Variants in PRG4 observed in about 807,000 individuals in gnomAD.
PRG4 encodes the protein proteoglycan 4.
Under a neutral mutation model 91.2 loss-of-function variants are expected in PRG4, and 61 were observed. That is an observed-to-expected ratio of 0.67 (90% CI 0.54 to 0.83). The LOEUF (loss-of-function observed/expected upper bound fraction) is 0.83, where lower values mean the gene tolerates loss of function less well. Ranked by LOEUF, PRG4 falls within the 40% of genes least tolerant of loss-of-function variation. The pLI, the probability that PRG4 is intolerant of heterozygous loss-of-function variation, is 0.00. For missense variants in PRG4, 1,564 were observed against 1,714.2 expected, an observed-to-expected ratio of 0.91 and a Z score of 1.55; for synonymous variants, 576 against 614.2, an observed-to-expected ratio of 0.94 and a Z score of 0.92.
rs1402369586 is a variant in PRG4, at chr1:186,314,505, GTAAT to G, written c.*730_*733del. On this transcript the variant is annotated 3_prime_UTR_variant, in exon 13 of 13. Transcript: ENST00000445192. ...TTGGTAAATATCACCTGCTCAACAT[GTAAT>G]TATTTAATAAAACTTTGGAACATTA... The G allele has an allele frequency of 1.6e-6, 1 of 641,518 alleles. No homozygotes were observed. Among genetic ancestry groups the G allele is most frequent in the Non-Finnish European group, 2.5e-6 (1 of 402,920 alleles). 39.7% of individuals were successfully genotyped at this position (641,518 alleles called of 1,614,324 possible).
intron 12 of PRG4, 103 bp from the exon 13 acceptor site, chr1:186,313,578 A>T: frequency 1.3e-6 from 1 of 745,564 alleles, no homozygotes; most frequent in Non-Finnish European, 2.4e-6. Context: ...ATCTCTATTA[A>T]AATGATAAAC....
chr1:186,307,753 G>A lies in PRG4; in HGVS notation c.2034G>A (p.Lys678=), dbSNP rs780333147. The change falls in exon 7 of 13, where the codon AAG becomes AAA. Residue 678 remains lysine (K), a synonymous_variant. Coordinates refer to ENST00000445192, the MANE Select transcript of PRG4 (RefSeq NM_005807.6). The stretch of plus-strand genomic sequence containing the variant: ...AGGCAGCGGCTCCCAACACCCCTAA[G>A]GAGCCTGCTCCAACTACCCCTAAGG... ...TPKAAAPNTP[K]EPAPTTPKEP... is the part of the protein sequence containing the mutation. 4.4e-6 allele frequency: 7 copies of A among 1,609,168 alleles called. No individual in the cohort carries two copies. Among genetic ancestry groups the A allele is most frequent in the South Asian group, 1.1e-5 (1 of 90,962 alleles).
In PRG4 at chr1:186,306,325, TAAC is replaced by T. The variant is rs2102019757; in HGVS notation, c.609_611del (p.Asn203del). Reference sequence around the variant, plus strand: ...TGTATATTTTTTCTCCAGTAAAAGATAACAAGAAGAACAGAACTAAAAAGAAAC... The same window carrying T: ...TGTATATTTTTTCTCCAGTAAAAGATAAGAAGAACAGAACTAAAAAGAAAC... On this transcript the variant is annotated inframe_deletion, in exon 7 of 13. Coordinates refer to ENST00000445192, the MANE Select transcript of PRG4 (RefSeq NM_005807.6). 6.3e-7 allele frequency: 1 copy of T among 1,584,820 alleles called. No individual in the cohort carries two copies. Among genetic ancestry groups the T allele is most frequent in the African/African-American group, 1.4e-5 (1 of 73,156 alleles).
Position 186,309,148 on chromosome 1 carries a change from G to T in PRG4, c.3421+8G>T. ...TCAATCCCATGCTTTCCGGTATTAA[G>T]AATCAGTTATTTTCATTTTTAAAGC... On this transcript the variant is annotated splice_region_variant and intron_variant, in intron 7 of 12. Coordinates refer to ENST00000445192, the MANE Select transcript of PRG4 (RefSeq NM_005807.6). 1 of 1,606,494 alleles carries T rather than the reference G, an allele frequency of 6.2e-7. No homozygotes were observed. Among genetic ancestry groups the T allele is most frequent in the Non-Finnish European group, 8.5e-7 (1 of 1,175,184 alleles).
At position 186,306,564 on chromosome 1, in the gene PRG4, C is replaced by T; in HGVS notation, c.845C>T (p.Thr282Ile). The change falls in exon 7 of 13, where the codon ACA becomes ATA. Residue 282 changes from threonine to isoleucine, a missense_variant. Transcript: ENST00000445192. The stretch of plus-strand genomic sequence containing the variant: ...ACGTCTTTGACAGTGAATAAAGAGA[C>T]AACAGTTGAAACTAAAGAAACTACT... Reference protein sequence around the residue: ...KETSLTVNKETTVETKETTTT... With the variant: ...KETSLTVNKEITVETKETTTT... 1 of 1,613,376 alleles carries T rather than the reference C, an allele frequency of 6.2e-7. No individual in the cohort carries two copies. Among genetic ancestry groups the T allele is most frequent in the Non-Finnish European group, 8.5e-7 (1 of 1,179,522 alleles).
At position 186,306,295 on chromosome 1, in the gene PRG4, C is replaced by T. The variant is rs762466944; in HGVS notation, c.599-23C>T. 4 of 1,513,204 alleles carry T rather than the reference C, an allele frequency of 2.6e-6. No homozygotes were observed. The South Asian group carries it at 3.7e-5, about 14-fold the overall frequency. The allele number at this position is 1,513,204 out of a possible 1,614,324, so 93.7% of individuals were successfully genotyped here. The stretch of plus-strand genomic sequence containing the variant: ...AAGAAAAAAAAATATTCTAAAATAA[C>T]AAGATGTATATTTTTTCTCCAGTAA... On this transcript the variant is annotated intron_variant, in intron 6 of 12. Coordinates refer to ENST00000445192, the MANE Select transcript of PRG4 (RefSeq NM_005807.6).
In PRG4 at chr1:186,312,362, T is replaced by C; in HGVS notation, c.3981T>C (p.Tyr1327=). The C allele has an allele frequency of 3.1e-6, 5 of 1,607,984 alleles. No individual in the cohort carries two copies. The highest frequency in any genetic ancestry group is 4.2e-6 in the Non-Finnish European group (5 of 1,177,974). Residue 1327 remains tyrosine, a synonymous_variant, in exon 11 of 13, where the codon TAT becomes TAC. Transcript: ENST00000445192. The part of the protein sequence containing the change: ...RIQYSPARLA[Y]QDKGVLHNEV... ...AATATTCACCTGCCAGACTGGCTTA[T>C]CAAGACAAAGGTAACATTTTTATTG...
chr1:186,304,083 AC>A, intron 4 of PRG4, 24 bp from the exon 5 acceptor site: 1 of 1,612,906 alleles, frequency 6.2e-7, no homozygotes, highest in African/African-American at 1.3e-5. Flanking sequence ...CAAGATGTTA[AC>A]TGACTTGTCT....
rs780266262 is a variant in PRG4 at position 186,309,110 on chromosome 1, C to G, written c.3391C>G (p.Gln1131Glu). Residue 1131 changes from glutamine (Q) to glutamate (E), a missense_variant, in exon 7 of 13, where the codon CAA becomes GAA. Transcript: ENST00000445192. ...GGATTACTTACCGAGAGTACCCAAT[C>G]AAGGCATTATCATCAATCCCATGCT... is the stretch of plus-strand genomic sequence containing the variant. ...DMDYLPRVPN[Q>E]GIIINPMLSD... 6 of 1,613,752 alleles carry G rather than the reference C, an allele frequency of 3.7e-6. No individual in the cohort carries two copies. Among genetic ancestry groups the G allele is most frequent in the Non-Finnish European group, 5.1e-6 (6 of 1,179,802 alleles).
In PRG4 at chr1:186,306,661, G is replaced by A; in HGVS notation, c.942G>A (p.Glu314=). 1 of 1,613,674 alleles carries A rather than the reference G, an allele frequency of 6.2e-7. No homozygotes were observed. The highest frequency in any genetic ancestry group is 8.5e-7 in the Non-Finnish European group (1 of 1,179,760). The change falls in exon 7 of 13, where the codon GAG becomes GAA. Residue 314 remains glutamate, a synonymous_variant. Coordinates refer to ENST00000445192, the MANE Select transcript of PRG4 (RefSeq NM_005807.6). ...TTSAKETQSI[E]KTSAKDLAPT... is the part of the protein sequence containing the mutation. ...CCGCTAAAGAGACACAAAGTATAGAGAAAACATCTGCTAAAGATTTAGCAC... is the reference window on the plus strand; with the variant it reads ...CCGCTAAAGAGACACAAAGTATAGAAAAAACATCTGCTAAAGATTTAGCAC...
intron 12 of PRG4, 103 bp downstream of exon 12, chr1:186,312,997 T>A (rs1657396465): frequency 8.3e-7 from 1 of 1,200,226 alleles, no homozygotes; most frequent in Non-Finnish European, 1.2e-6. Flanking sequence ...TGTGAGAAGT[T>A]ACACTACGGT....
chr1:186,300,807 C>T (rs1390056406), intron 3 of PRG4, among the ~76,000 whole-genome samples: 2 of 152,170 alleles, frequency 1.3e-5, no homozygotes, highest in South Asian at 2.1e-4. Context: ...TATTTTGGGC[C>T]ATTTTATTAT....
chr1:186,314,128 G>A lies in PRG4; in HGVS notation c.*350G>A. ...TTATAAAAAATATCTAGGCATTGTG[G>A]ATATAAAACTGTTGGGTATTCTACA... On this transcript the variant is annotated 3_prime_UTR_variant, in exon 13 of 13. Coordinates refer to ENST00000445192, the MANE Select transcript of PRG4 (RefSeq NM_005807.6). 9.2e-7 allele frequency: 1 copy of A among 1,091,284 alleles called. No homozygotes were observed. The highest frequency in any genetic ancestry group is 2.2e-5 in the Admixed American group (1 of 45,576). 67.6% of individuals were successfully genotyped at this position (1,091,284 alleles called of 1,614,324 possible).
intron 6 of PRG4, among the ~76,000 whole-genome samples, 168 bp from the exon 7 acceptor site, chr1:186,306,150 A>G (rs977415187): frequency 2.0e-5 from 3 of 152,292 alleles, no homozygotes; most frequent in East Asian, 1.9e-4. Context: ...AAACAGCCCA[A>G]TAAGATAGGT....
Position 186,307,627 on chromosome 1 carries a change from C to A in PRG4, c.1908C>A (p.Thr636=), listed in dbSNP as rs747231150. 6.3e-7 allele frequency: 1 copy of A among 1,596,238 alleles called. No homozygotes were observed. The highest frequency in any genetic ancestry group is 8.5e-7 in the Non-Finnish European group (1 of 1,173,490). ...PTTPEKLAPT[T]PEKPAPTTPE... is the part of the protein sequence containing the mutation. ...CCCCCGAGAAGCTCGCACCCACCAC[C>A]CCTGAGAAGCCCGCACCCACCACCC... Residue 636 remains threonine, a synonymous_variant, in exon 7 of 13, where the codon ACC becomes ACA. Transcript: ENST00000445192.
intron 6 of PRG4, among the ~76,000 whole-genome samples, chr1:186,306,046 G>A (rs140229881): frequency 2.6e-4 from 39 of 152,234 alleles, no homozygotes; most frequent in African/African-American, 7.7e-4. Context: ...GTTATTTATC[G>A]TGTTGGTAAT....
intron 6 of PRG4, among the ~76,000 whole-genome samples, chr1:186,305,231 T>G (rs1571560201): frequency 6.6e-6 from 1 of 152,206 alleles, no homozygotes; most frequent in South Asian, 2.1e-4. Flanking sequence ...TCATTTTGCT[T>G]CTTCTCCTTC....
At position 186,298,373 on chromosome 1, in the gene PRG4, C is replaced by A. The variant is rs904242066; in HGVS notation, c.76+1422C>A. ...CTCCAGCCTGGGCAACAGAGTGAGA[C>A]TCTGTCTCAAAAATAAATAAATAAA... On this transcript the variant is annotated intron_variant, in intron 2 of 12. Coordinates refer to ENST00000445192, the MANE Select transcript of PRG4 (RefSeq NM_005807.6). Among the ~76,000 whole-genome samples, 3 of 152,044 alleles carry A rather than the reference C, an allele frequency of 2.0e-5. No homozygotes were observed. In the South Asian group the frequency reaches 6.2e-4, roughly 31 times the overall value.
chr1:186,310,957 AT>A (rs1042511737), intron 8 of PRG4, 76 bp from the exon 9 acceptor site: 33 of 1,530,260 alleles, frequency 2.2e-5, no homozygotes, highest in South Asian at 4.5e-5. Flanking sequence ...AGAAAACTAC[AT>A]TTTTTTTCAT....
Sources: gnomAD v4.1 joint callset for allele counts (sites outside exome capture counted in the v4.1 genomes callset) on GRCh38, gnomAD v4.1.1 for gene constraint, MANE v1.5 for transcripts, NCBI Gene and HGNC (gene_info 2026-07-23, HGNC 2026-07-21) for gene names.